The following STT3B variants were observed in gnomAD, a reference collection of about 807,000 sequenced individuals.
STT3B encodes the protein STT3 oligosaccharyltransferase complex catalytic subunit B, also known as dolichyl-diphosphooligosaccharide--protein glycosyltransferase subunit STT3B.
Under a neutral mutation model 96.8 loss-of-function variants are expected in STT3B, and 29 were observed. That is an observed-to-expected ratio of 0.30 (90% CI 0.22 to 0.41). The LOEUF is 0.41. Ranked by LOEUF, STT3B falls within the 10% of genes least tolerant of loss-of-function variation. STT3B has a pLI of 1.00. For missense variants in STT3B, 640 were observed against 1,022.3 expected (o/e 0.63, Z 5.10); for synonymous variants, 367 against 360.0 (o/e 1.02, Z -0.22).
Position 31,617,073 on chromosome 3 carries a change from CA to C in STT3B, c.1122del (p.Gly375ValfsTer82). 1 of 1,602,266 alleles carries C rather than the reference CA, an allele frequency of 6.2e-7. No homozygotes were observed. Among genetic ancestry groups the C allele is most frequent in the South Asian group, 1.1e-5 (1 of 89,548 alleles). On this transcript the variant is annotated frameshift_variant and splice_region_variant, in exon 7 of 16. Transcript: ENST00000295770. LOFTEE classifies it high-confidence loss of function. ...CTTAGTGTCATCTATTTGACTTATA[CA>C]GGTACGTGTTATCACCTGTAGGGTG... The part of the protein sequence containing the change: ...VFLSVIYLTY[T>X]GYIAPWSGRF...
intron 6 of STT3B, 150 bp from the exon 7 acceptor site, chr3:31,616,777 CTG>C (rs1195310401): frequency 1.6e-6 from 1 of 611,774 alleles, no homozygotes; most frequent in African/African-American, 1.9e-5. Flanking sequence ...AATTAGGCAA[CTG>C]TCATTTGACA....
At chr3:31,612,357 C>A (rs187377360) in intron 5 of STT3B, among the ~76,000 whole-genome samples, 1 of 152,068 alleles carries the variant, frequency 6.6e-6, no homozygotes, top group Non-Finnish European at 1.5e-5. Context: ...AAAGTAAATG[C>A]TTATGTTTGG....
At chr3:31,568,691 G>C (rs1451059647) in intron 1 of STT3B, among the ~76,000 whole-genome samples, 1 of 152,086 alleles carries the variant, frequency 6.6e-6, no homozygotes, top group Non-Finnish European at 1.5e-5. Flanking sequence ...AAAGTATATT[G>C]TGGTATTTTG....
rs541500223 is a variant in STT3B, at chr3:31,602,521, A to T, written c.877+2062A>T. On this transcript the variant is annotated intron_variant, in intron 5 of 15. Transcript: ENST00000295770. ...AGATGTCAGAAGTAGTCAAATAAGTATATTGTTAAAATGGTCAGATGGAAG... is the reference window on the plus strand; with the variant it reads ...AGATGTCAGAAGTAGTCAAATAAGTTTATTGTTAAAATGGTCAGATGGAAG... 5.3e-4 allele frequency among the ~76,000 whole-genome samples: 81 copies of T among 152,264 alleles called. 1 individual carries two copies. Among genetic ancestry groups the T allele is most frequent in the African/African-American group, 1.9e-3 (79 of 41,564 alleles).
chr3:31,629,764 G>T (rs1012609374), intron 14 of STT3B, among the ~76,000 whole-genome samples: 1 of 152,264 alleles, frequency 6.6e-6, no homozygotes, highest in Admixed American at 6.5e-5. Flanking sequence ...TTGCTGCTTG[G>T]TGGAGAAAAG....
intron 3 of STT3B, among the ~76,000 whole-genome samples, chr3:31,582,198 G>A (rs573584048): frequency 6.6e-6 from 1 of 151,436 alleles, no homozygotes; most frequent in African/African-American, 2.4e-5. Context: ...TGTATATGCT[G>A]CTGAAGCAAG....
chr3:31,550,022 T>C (rs1329400877), intron 1 of STT3B, among the ~76,000 whole-genome samples: 1 of 152,206 alleles, frequency 6.6e-6, no homozygotes, highest in East Asian at 1.9e-4. Flanking sequence ...TAACAGCCTC[T>C]TATTTTGTTG....
chr3:31,622,251 T>G lies in STT3B; in HGVS notation c.1482T>G (p.Pro494=), dbSNP rs551957725. 1.9e-6 allele frequency: 3 copies of G among 1,614,146 alleles called. No individual in the cohort carries two copies. Among genetic ancestry groups the G allele is most frequent in the Non-Finnish European group, 2.5e-6 (3 of 1,179,980 alleles). ...LGDDMKRENP[P]VEDSSDEDDK... is the part of the protein sequence containing the mutation. The stretch of plus-strand genomic sequence containing the variant: ...ATGACATGAAAAGGGAAAATCCACC[T>G]GTGGAGGACAGCAGTGATGAGGATG... The change falls in exon 10 of 16, where the codon CCT becomes CCG. Residue 494 remains proline, a synonymous_variant. Transcript: ENST00000295770.
intron 9 of STT3B, among the ~76,000 whole-genome samples, chr3:31,621,808 G>T (rs1345167114): frequency 6.6e-6 from 1 of 152,070 alleles, no homozygotes; most frequent in Non-Finnish European, 1.5e-5. Flanking sequence ...GGTTTTTTAT[G>T]ATGTTATTGA....
chr3:31,584,147 A>G (rs1698483377), intron 3 of STT3B, among the ~76,000 whole-genome samples: 1 of 152,206 alleles, frequency 6.6e-6, no homozygotes, highest in Non-Finnish European at 1.5e-5. Context: ...GTGGATATCC[A>G]CTTATCTTAG....
chr3:31,534,425 C>T (rs1261363330), intron 1 of STT3B, among the ~76,000 whole-genome samples: 1 of 152,180 alleles, frequency 6.6e-6, no homozygotes, highest in Non-Finnish European at 1.5e-5. Context: ...GGATTTTCCC[C>T]TCTGAGAGTA....
In STT3B at chr3:31,534,694, ACACCAGAGGGGCC is replaced by A. The variant is rs1697040819; in HGVS notation, c.314+1386_314+1398del. Among the ~76,000 whole-genome samples the A allele has an allele frequency of 2.0e-5, 3 of 152,190 alleles. No individual in the cohort carries two copies. In the South Asian group the frequency reaches 6.2e-4, roughly 32 times the overall value. On this transcript the variant is annotated intron_variant, in intron 1 of 15. Transcript: ENST00000295770. ...AAATTGGTACTGCAACATCTATTGA[ACACCAGAGGGGCC>A]CACTCATGGACAATTCAATTTAGAT...
At position 31,616,957 on chromosome 3, in the gene STT3B, T is replaced by A; in HGVS notation, c.1005T>A (p.Ala335=). ...AGVFALLQAY[A]FLQYLRDRLT... is the part of the protein sequence containing the mutation. ...TCTTTGCATTGCTGCAAGCTTATGC[T>A]TTCTTGCAGTATCTGAGAGACCGAT... Residue 335 remains alanine (A), a synonymous_variant, in exon 7 of 16, where the codon GCT becomes GCA. Transcript: ENST00000295770. 1 of 1,611,382 alleles carries A rather than the reference T, an allele frequency of 6.2e-7. No homozygotes were observed. Among genetic ancestry groups the A allele is most frequent in the Non-Finnish European group, 8.5e-7 (1 of 1,177,974 alleles).
intron 1 of STT3B, among the ~76,000 whole-genome samples, chr3:31,548,082 G>A (rs1185524261): frequency 1.3e-5 from 2 of 152,176 alleles, no homozygotes; most frequent in East Asian, 1.9e-4. Context: ...GGTTGGAACA[G>A]GAGTGGTGAT....
At chr3:31,551,338 C>T (rs879391483) in intron 1 of STT3B, among the ~76,000 whole-genome samples, 1 of 152,132 alleles carries the variant, frequency 6.6e-6, no homozygotes, top group East Asian at 1.9e-4. Context: ...ACCTTAGCCT[C>T]TCAAGTAGCT....
At chr3:31,612,689 A>G (rs1699209062) in intron 5 of STT3B, among the ~76,000 whole-genome samples, 1 of 152,104 alleles carries the variant, frequency 6.6e-6, no homozygotes, top group African/African-American at 2.4e-5. Flanking sequence ...AGTTGCAGGG[A>G]AGTGCTGAAT....
chr3:31,575,972 A>G (rs1347052361), intron 1 of STT3B, among the ~76,000 whole-genome samples: 1 of 151,910 alleles, frequency 6.6e-6, no homozygotes, highest in Admixed American at 6.6e-5. Flanking sequence ...TAGTGCTGCT[A>G]TGGTTTATTC....
chr3:31,606,815 A>T (rs147186306), intron 5 of STT3B, among the ~76,000 whole-genome samples: 1 of 152,214 alleles, frequency 6.6e-6, no homozygotes, highest in African/African-American at 2.4e-5. Flanking sequence ...ATTCACTGAC[A>T]GCTTGCACCA....
intron 1 of STT3B, among the ~76,000 whole-genome samples, chr3:31,535,614 T>C (rs1157979432): frequency 6.6e-6 from 1 of 152,018 alleles, no homozygotes; most frequent in Non-Finnish European, 1.5e-5. Flanking sequence ...ATCCAGCTAC[T>C]TGGGAGGCTG....
Sources: allele counts gnomAD v4.1 joint callset (sites outside exome capture counted in the v4.1 genomes callset), GRCh38; gene constraint gnomAD v4.1.1; transcripts MANE v1.5; gene names NCBI Gene and HGNC (gene_info 2026-07-23, HGNC 2026-07-21).